Variants in KAZN observed in about 807,000 individuals in gnomAD.
KAZN encodes kazrin.
In KAZN, 40 loss-of-function variants were observed where a neutral mutation model predicts 87.4. The observed-to-expected ratio is 0.46, with a 90% CI of 0.36 to 0.60. The LOEUF is 0.60. KAZN is among the 20% of genes least tolerant of loss of function. The pLI is 0.00. For missense variants in KAZN, 898 were observed against 1,073.9 expected, an observed-to-expected ratio of 0.84 and a Z score of 2.29; for synonymous variants, 466 against 458.3, an observed-to-expected ratio of 1.02 and a Z score of -0.22.
rs540832226 is a variant in KAZN at position 14,839,843 on chromosome 1, G to A, written c.227-120841G>A. On this transcript the variant is annotated intron_variant, in intron 1 of 14. Coordinates refer to ENST00000376030, the MANE Select transcript of KAZN (RefSeq NM_201628.3). Reference sequence around the variant, plus strand: ...CTTAGAGGCACCTCAAGGCTCTGGAGGTGCCTCTAAGTTTGCAGAGCAGGC... The same window carrying A: ...CTTAGAGGCACCTCAAGGCTCTGGAAGTGCCTCTAAGTTTGCAGAGCAGGC... 1.1e-4 allele frequency among the ~76,000 whole-genome samples: 16 copies of A among 152,288 alleles called. No homozygotes were observed. The East Asian group carries it at 1.5e-3, about 15-fold the overall frequency.
rs186366584 is a variant in KAZN at position 14,047,388 on chromosome 1, G to T, written c.92-133047G>T. 8.5e-5 allele frequency among the ~76,000 whole-genome samples: 13 copies of T among 152,252 alleles called. No individual in the cohort carries two copies. The East Asian group carries it at 2.5e-3, about 29-fold the overall frequency. On this transcript the variant is annotated intron_variant, in intron 1 of 16. Coordinates refer to the KAZN transcript ENST00000636203. ...TGATCTGGGTCCTCCTTGACCTCTT[G>T]CCTGGACACCCAGGAGCCCATGGAA...
At chr1:15,041,941 C>T (rs192693652) in intron 3 of KAZN, among the ~76,000 whole-genome samples, 9 of 152,332 alleles carry the variant, frequency 5.9e-5, no homozygotes, top group Non-Finnish European at 7.3e-5. Context: ...GTCCCTGCCT[C>T]AGGGGTGGTT....
At chr1:14,646,323 A>G (rs965675146) in intron 1 of KAZN, among the ~76,000 whole-genome samples, 2 of 152,208 alleles carry the variant, frequency 1.3e-5, no homozygotes, top group Admixed American at 6.5e-5. Context: ...AGGCAGGAGG[A>G]TCACTTGAGT....
chr1:14,401,478 T>G (rs1663403547), intron 2 of KAZN, among the ~76,000 whole-genome samples: 1 of 151,954 alleles, frequency 6.6e-6, no homozygotes, highest in Non-Finnish European at 1.5e-5. Context: ...TTGTCACTAA[T>G]GAGCCTTACC....
At chr1:14,678,860 T>C (rs1294052073) in intron 1 of KAZN, among the ~76,000 whole-genome samples, 1 of 152,148 alleles carries the variant, frequency 6.6e-6, no homozygotes, top group African/African-American at 2.4e-5. Context: ...ATAGGGGATA[T>C]ATAGATGGGG....
At chr1:14,581,614 AGTC>A (rs1675552179) in intron 2 of KAZN, among the ~76,000 whole-genome samples, 1 of 152,172 alleles carries the variant, frequency 6.6e-6, no homozygotes, top group Non-Finnish European at 1.5e-5. Flanking sequence ...TAAGAGCCAA[AGTC>A]CCTACAAGAC....
At chr1:14,654,351 G>A (rs1638653019) in intron 1 of KAZN, among the ~76,000 whole-genome samples, 1 of 151,878 alleles carries the variant, frequency 6.6e-6, no homozygotes, top group African/African-American at 2.4e-5. Flanking sequence ...GCAAGTTACA[G>A]GTTAACTCAA....
At chr1:14,596,334 ACACG>A (rs1305782673), upstream of KAZN, among the ~76,000 whole-genome samples, 1 of 141,248 alleles carries the variant, frequency 7.1e-6, no homozygotes, top group Admixed American at 7.1e-5. Flanking sequence ...ACACACACAC[ACACG>A]GCCCTCTAAA....
intron 2 of KAZN, among the ~76,000 whole-genome samples, chr1:14,578,222 G>T (rs2148557624): frequency 6.6e-6 from 1 of 152,070 alleles, no homozygotes; most frequent in Admixed American, 6.5e-5. Context: ...GTTGGATAGG[G>T]CCTGGAAAGT....
chr1:14,270,352 G>A (rs1457362837), intron 2 of KAZN, among the ~76,000 whole-genome samples: 1 of 152,216 alleles, frequency 6.6e-6, no homozygotes, highest in East Asian at 1.9e-4. Flanking sequence ...AGCAGATAGT[G>A]GATATGGGGA....
chr1:14,873,543 C>G (rs1419941683), intron 1 of KAZN, among the ~76,000 whole-genome samples: 1 of 152,124 alleles, frequency 6.6e-6, no homozygotes, highest in Non-Finnish European at 1.5e-5. Context: ...ATGGCTAAAC[C>G]AGAGTGTGGG....
At chr1:14,931,658 T>C (rs1422144873) in intron 1 of KAZN, among the ~76,000 whole-genome samples, 1 of 152,168 alleles carries the variant, frequency 6.6e-6, no homozygotes, top group Non-Finnish European at 1.5e-5. Flanking sequence ...CTGCGTAATT[T>C]TGGCATTCCA....
At chr1:14,861,677 G>A (rs1264075612) in intron 1 of KAZN, among the ~76,000 whole-genome samples, 2 of 152,146 alleles carry the variant, frequency 1.3e-5, no homozygotes, top group African/African-American at 4.8e-5. Flanking sequence ...CTGGGGTCCT[G>A]AGCATTACAG....
intron 3 of KAZN, among the ~76,000 whole-genome samples, chr1:15,042,090 G>A (rs1441271814): frequency 3.3e-5 from 5 of 152,208 alleles, no homozygotes; most frequent in Non-Finnish European, 7.3e-5. Flanking sequence ...AGCACCTACA[G>A]GCCTTCCCAC....
intron 1 of KAZN, among the ~76,000 whole-genome samples, chr1:14,876,882 G>C (rs1419193366): frequency 2.0e-5 from 3 of 152,174 alleles, no homozygotes; most frequent in Admixed American, 2.0e-4. Context: ...ACTTTGACAT[G>C]AACTAAAGAA....
At position 15,060,254 on chromosome 1, in the gene KAZN, A is replaced by T. The variant is rs1245299272; in HGVS notation, c.999A>T (p.Thr333=). ...ASAAEGDRSS[T]PSDINSPRHR... is the part of the protein sequence containing the mutation. ...CCGCCGAAGGCGACCGGTCGTCCACACCGAGCGACATCAACTCCCCTCGAC... is the reference window on the plus strand; with the variant it reads ...CCGCCGAAGGCGACCGGTCGTCCACTCCGAGCGACATCAACTCCCCTCGAC... Residue 333 remains threonine, a synonymous_variant, in exon 6 of 15, where the codon ACA becomes ACT. Coordinates refer to ENST00000376030, the MANE Select transcript of KAZN (RefSeq NM_201628.3). 1.9e-6 allele frequency: 3 copies of T among 1,614,038 alleles called. No individual in the cohort carries two copies. In the African/African-American group the frequency reaches 4.0e-5, roughly 22 times the overall value.
chr1:14,906,174 TATTATAATAATAATAATA>T lies in KAZN; in HGVS notation c.227-54507_227-54490del, dbSNP rs1183129329. Among the ~76,000 whole-genome samples, 198 of 143,654 alleles carry T rather than the reference TATTATAATAATAATAATA, an allele frequency of 1.4e-3. 1 individual carries two copies. The highest frequency in any genetic ancestry group is 4.3e-3 in the African/African-American group (157 of 36,508). 94.2% of individuals were successfully genotyped at this position (143,654 alleles called of 152,430 possible). ...GATCGAGACTCCATCTCAAAAAATA[TATTATAATAATAATAATA>T]ATAATAATAATAATAATAATAATAA... is the stretch of plus-strand genomic sequence containing the variant. On this transcript the variant is annotated intron_variant, in intron 1 of 14. Coordinates refer to ENST00000376030, the MANE Select transcript of KAZN (RefSeq NM_201628.3).
chr1:14,474,047 T>C (rs1456831779), intron 2 of KAZN, among the ~76,000 whole-genome samples: 1 of 152,224 alleles, frequency 6.6e-6, no homozygotes, highest in Non-Finnish European at 1.5e-5. Flanking sequence ...TGTGTCTCAT[T>C]CTTCATTACA....
intron 1 of KAZN, among the ~76,000 whole-genome samples, chr1:14,003,577 C>A (rs758056649): frequency 1.3e-5 from 2 of 152,054 alleles, no homozygotes; most frequent in Non-Finnish European, 2.9e-5. Flanking sequence ...AATATACCCA[C>A]AAATATACAG....
Sources: allele counts gnomAD v4.1 joint callset (sites outside exome capture counted in the v4.1 genomes callset), GRCh38; gene constraint gnomAD v4.1.1; transcripts MANE v1.5; gene names NCBI Gene and HGNC (gene_info 2026-07-23, HGNC 2026-07-21).